The following TMEM132C variants were observed in gnomAD, a reference collection of about 807,000 sequenced individuals.
TMEM132C encodes the protein transmembrane protein 132C, also known as protein phosphatase 1, regulatory subunit 152.
A neutral mutation model predicts 61.4 loss-of-function variants in TMEM132C; 29 were observed. That is an observed-to-expected ratio of 0.47 (90% CI 0.35 to 0.64). TMEM132C has a LOEUF of 0.64. Among genes scored for constraint, TMEM132C ranks in the 30% least tolerant of loss-of-function variants. The pLI is 0.00. For missense variants in TMEM132C, 1,408 were observed against 1,476.9 expected, an observed-to-expected ratio of 0.95 and a Z score of 0.76; for synonymous variants, 656 against 633.1, an observed-to-expected ratio of 1.04 and a Z score of -0.54.
At chr12:128,364,848 G>A (rs1427983310) in intron 1 of TMEM132C, among the ~76,000 whole-genome samples, 1 of 152,186 alleles carries the variant, frequency 6.6e-6, no homozygotes, top group Non-Finnish European at 1.5e-5. Context: ...CCAGCATTCT[G>A]AGTGTTGCAC....
Position 128,594,296 on chromosome 12 carries a change from T to C in TMEM132C, c.1122-21856T>C, listed in dbSNP as rs556898513. On this transcript the variant is annotated intron_variant, in intron 3 of 8. Transcript: ENST00000435159. Reference sequence around the variant, plus strand: ...ACATCTCGGGAGCATCACTCAGTGCTGAGCCACGTGCTATGGGCTGCATAT... The same window carrying C: ...ACATCTCGGGAGCATCACTCAGTGCCGAGCCACGTGCTATGGGCTGCATAT... 5.7e-3 allele frequency among the ~76,000 whole-genome samples: 866 copies of C among 152,104 alleles called. 14 individuals are homozygous for C. Among genetic ancestry groups the C allele is most frequent in the African/African-American group, 0.02 (826 of 41,498 alleles).
intron 1 of TMEM132C, among the ~76,000 whole-genome samples, chr12:128,301,234 C>G (rs1195417702): frequency 6.6e-6 from 1 of 151,436 alleles, no homozygotes; most frequent in Admixed American, 6.6e-5. Context: ...ATCAAATAGA[C>G]ACAGAAATGC....
chr12:128,651,709 TG>T (rs1422506153), intron 4 of TMEM132C, among the ~76,000 whole-genome samples: 1 of 151,844 alleles, frequency 6.6e-6, no homozygotes, highest in African/African-American at 2.4e-5. Flanking sequence ...TAGCAGGGAA[TG>T]GGAATGGGGG....
At chr12:128,416,985 T>G (rs1417983413) in intron 2 of TMEM132C, among the ~76,000 whole-genome samples, 2 of 152,092 alleles carry the variant, frequency 1.3e-5, no homozygotes, top group African/African-American at 4.8e-5. Flanking sequence ...GACATCATGG[T>G]GGGGAGGGAC....
intron 3 of TMEM132C, among the ~76,000 whole-genome samples, chr12:128,550,672 T>C (rs1308106193): frequency 6.6e-6 from 1 of 152,194 alleles, no homozygotes; most frequent in Admixed American, 6.5e-5. Flanking sequence ...TTATTTAACC[T>C]TAATTACCAT....
rs1954059643 is a variant in TMEM132C, at chr12:128,630,817, A to G, written c.1305+14482A>G. Among the ~76,000 whole-genome samples the G allele has an allele frequency of 6.6e-6, 1 of 152,162 alleles. No individual in the cohort carries two copies. ...TGGGAGGCCGAGGCAGGCAGATCAC[A>G]AGGTCAGGAAATCGAGACCATCCTG... On this transcript the variant is annotated intron_variant, in intron 4 of 8. Coordinates refer to ENST00000435159, the MANE Select transcript of TMEM132C (RefSeq NM_001136103.3). This position sits in a 1 kb window ranked among gnomAD's most constrained non-coding sequence, Gnocchi z 4.3.
At chr12:128,657,137 G>T (rs1464562571) in intron 4 of TMEM132C, among the ~76,000 whole-genome samples, 1 of 152,044 alleles carries the variant, frequency 6.6e-6, no homozygotes, top group African/African-American at 2.4e-5. Flanking sequence ...TGAAGGGAGC[G>T]CCCCCCTCCT....
chr12:128,666,597 T>A (rs1056520166), intron 4 of TMEM132C, among the ~76,000 whole-genome samples: 2 of 152,106 alleles, frequency 1.3e-5, no homozygotes, highest in Admixed American at 6.5e-5. Context: ...GTGATCAGGA[T>A]TGCACAGGAA....
intron 4 of TMEM132C, among the ~76,000 whole-genome samples, chr12:128,627,372 C>G (rs1954026194): frequency 1.3e-5 from 2 of 152,064 alleles, no homozygotes; most frequent in Non-Finnish European, 2.9e-5. Flanking sequence ...AATTATTGTT[C>G]TGTCTGATCA....
chr12:128,435,201 T>C (rs1237681968), intron 2 of TMEM132C, among the ~76,000 whole-genome samples: 1 of 152,224 alleles, frequency 6.6e-6, no homozygotes, highest in East Asian at 1.9e-4. Flanking sequence ...TCCAGAACTG[T>C]CAAACAATAC....
At chr12:128,586,527 T>C (rs978980114) in intron 3 of TMEM132C, among the ~76,000 whole-genome samples, 2 of 152,132 alleles carry the variant, frequency 1.3e-5, no homozygotes, top group Non-Finnish European at 2.9e-5. Flanking sequence ...TGGGCTTGTA[T>C]TTTTCCACTA....
intron 1 of TMEM132C, among the ~76,000 whole-genome samples, chr12:128,345,455 A>G (rs571526235): frequency 1.3e-5 from 2 of 152,314 alleles, no homozygotes; most frequent in African/African-American, 4.8e-5. Flanking sequence ...TGATATTTCT[A>G]TCTTCAGGTC....
chr12:128,566,244 C>G (rs967808990), intron 3 of TMEM132C, among the ~76,000 whole-genome samples: 3 of 150,550 alleles, frequency 2.0e-5, no homozygotes, highest in Non-Finnish European at 4.4e-5. Context: ...TTTCAGAGTC[C>G]CTTGCATTCT....
At chr12:128,540,597 G>A (rs1211315923) in intron 2 of TMEM132C, among the ~76,000 whole-genome samples, 2 of 152,146 alleles carry the variant, frequency 1.3e-5, no homozygotes, top group Non-Finnish European at 2.9e-5. Flanking sequence ...TGCATAGGCT[G>A]TATTTCTGGT....
Position 128,544,028 on chromosome 12 carries a change from A to C in TMEM132C, c.1046A>C (p.Gln349Pro). 1 of 1,548,740 alleles carries C rather than the reference A, an allele frequency of 6.5e-7. No homozygotes were observed. Among genetic ancestry groups the C allele is most frequent in the Non-Finnish European group, 8.7e-7 (1 of 1,145,732 alleles). ...GAGCCCCGGCAGTGGGGCGTCAAGC[A>C]GGAGGTGGGCAGCGGCGGAAAGCAC... ...TREPRQWGVK[Q>P]EVGSGGKHVT... is the part of the protein sequence containing the mutation. Residue 349 changes from glutamine to proline, a missense_variant, in exon 3 of 9, where the codon CAG (glutamine) becomes CCG (proline). Transcript: ENST00000435159.
In TMEM132C at chr12:128,295,499, G is replaced by T. The variant is rs10847597; in HGVS notation, c.85+28012G>T. Among the ~76,000 whole-genome samples, 7 of 151,568 alleles carry T rather than the reference G, an allele frequency of 4.6e-5. No individual in the cohort carries two copies. In the East Asian group the frequency reaches 1.2e-3, roughly 25 times the overall value. On this transcript the variant is annotated intron_variant, in intron 1 of 8. Transcript: ENST00000435159. ...GTCACATGGAAAATAAATAATGACC[G>T]CCTTGAAACTGTGATGTCCAGGGCG...
At chr12:128,549,926 G>A (rs571304381) in intron 3 of TMEM132C, among the ~76,000 whole-genome samples, 2 of 152,256 alleles carry the variant, frequency 1.3e-5, no homozygotes, top group South Asian at 4.2e-4. Context: ...TCAAACCTGG[G>A]AGGTCTGCCT....
rs547779460 is a variant in TMEM132C at position 128,637,719 on chromosome 12, C to T, written c.1305+21384C>T. 3.2e-4 allele frequency among the ~76,000 whole-genome samples: 49 copies of T among 152,248 alleles called. 1 individual carries two copies. The highest frequency in any genetic ancestry group is 1.2e-3 in the African/African-American group (48 of 41,556). ...CATCTCCCCCATGTTCCTCTCGCCA[C>T]GATACAAACCTGCTTCTGGGAAGCA... On this transcript the variant is annotated intron_variant, in intron 4 of 8. Transcript: ENST00000435159.
At chr12:128,435,836 C>T (rs1032614646) in intron 2 of TMEM132C, among the ~76,000 whole-genome samples, 7 of 152,210 alleles carry the variant, frequency 4.6e-5, no homozygotes, top group African/African-American at 1.4e-4. Context: ...GCCCACATTG[C>T]GAAGACAATC....
Sources: gnomAD v4.1 joint callset for allele counts (sites outside exome capture counted in the v4.1 genomes callset) on GRCh38, gnomAD v4.1.1 for gene constraint, Gnocchi (gnomAD v3.1) non-coding constraint, MANE v1.5 for transcripts, NCBI Gene and HGNC (gene_info 2026-07-23, HGNC 2026-07-21) for gene names.